The following GPHN variants were observed in gnomAD, a reference collection of about 807,000 sequenced individuals.
GPHN encodes the protein gephyrin.
In GPHN, 17 loss-of-function variants were observed where a neutral mutation model predicts 95.5. That is an observed-to-expected ratio of 0.18 (90% CI 0.12 to 0.27). The LOEUF (loss-of-function observed/expected upper bound fraction) is 0.27, where lower values mean the gene tolerates loss of function less well. GPHN is among the 10% of genes least tolerant of loss of function. GPHN has a pLI of 1.00. For missense variants in GPHN, 660 were observed against 978.1 expected (o/e 0.67, Z 4.34); for synonymous variants, 320 against 322.5 (o/e 0.99, Z 0.08).
chr14:66,816,832 A>G (rs931412149), intron 3 of GPHN, among the ~76,000 whole-genome samples: 4 of 152,186 alleles, frequency 2.6e-5, no homozygotes, highest in African/African-American at 9.6e-5. Flanking sequence ...TTGAGACAGA[A>G]AAAATGTCTT....
intron 2 of GPHN, among the ~76,000 whole-genome samples, chr14:66,685,863 G>T (rs1047079942): frequency 6.6e-6 from 1 of 152,082 alleles, no homozygotes. Flanking sequence ...TTTCTTCTAG[G>T]GTTTTTATGG....
intron 9 of GPHN, among the ~76,000 whole-genome samples, chr14:67,020,328 A>G (rs1350774721): frequency 6.6e-6 from 1 of 152,198 alleles, no homozygotes; most frequent in Non-Finnish European, 1.5e-5. Context: ...TGTACCTCCC[A>G]TAATGAAGAG....
At chr14:67,462,352 G>A in the GPHN span, among the ~76,000 whole-genome samples, 1 of 152,128 alleles carries the variant, frequency 6.6e-6, no homozygotes, top group African/African-American at 2.4e-5. Flanking sequence ...TTTTCTTTTT[G>A]CTTTTAAATT....
At chr14:66,569,271 T>C (rs2060579880) in intron 1 of GPHN, among the ~76,000 whole-genome samples, 1 of 152,206 alleles carries the variant, frequency 6.6e-6, no homozygotes, top group South Asian at 2.1e-4. Context: ...ATTGTGAAGC[T>C]GAATTAAAAT....
the GPHN span, among the ~76,000 whole-genome samples, chr14:67,564,433 C>T: frequency 6.6e-6 from 1 of 152,144 alleles, no homozygotes; most frequent in African/African-American, 2.4e-5. Flanking sequence ...TTAACCTTTG[C>T]CAAGCTGGGC....
intron 11 of GPHN, among the ~76,000 whole-genome samples, chr14:67,063,798 C>A (rs551634442): frequency 3.5e-4 from 53 of 152,268 alleles, no homozygotes; most frequent in Admixed American, 3.9e-4. Context: ...TGAGACTTTG[C>A]TGAAGTTGCT....
intron 3 of GPHN, among the ~76,000 whole-genome samples, chr14:66,778,061 A>G (rs939100457): frequency 6.6e-6 from 1 of 152,182 alleles, no homozygotes; most frequent in African/African-American, 2.4e-5. Flanking sequence ...ACATGATTGT[A>G]TATCTAGAAA....
At chr14:67,695,552 A>T in the GPHN span, 1 of 1,440,320 alleles carries the variant, frequency 6.9e-7, no homozygotes, top group Non-Finnish European at 9.5e-7. Context: ...TTTCCAAGAA[A>T]GCTTTGGTGG....
chr14:67,595,871 G>A, the GPHN span, among the ~76,000 whole-genome samples: 3 of 152,272 alleles, frequency 2.0e-5, no homozygotes, highest in East Asian at 3.9e-4. Flanking sequence ...GAGTCTCCAC[G>A]TGAACTCTGG....
At chr14:67,486,693 A>G in the GPHN span, among the ~76,000 whole-genome samples, 1 of 152,092 alleles carries the variant, frequency 6.6e-6, no homozygotes, top group African/African-American at 2.4e-5. Context: ...GCTTCCCCAG[A>G]CACGTGGAAT....
At chr14:67,252,999 C>A in the GPHN span, among the ~76,000 whole-genome samples, 2 of 152,180 alleles carry the variant, frequency 1.3e-5, no homozygotes, top group African/African-American at 4.8e-5. Context: ...TTGCTGATGA[C>A]TTTTTCTTGT....
intron 2 of GPHN, among the ~76,000 whole-genome samples, chr14:66,704,218 T>C (rs2068845754): frequency 6.6e-6 from 1 of 152,062 alleles, no homozygotes; most frequent in Non-Finnish European, 1.5e-5. Flanking sequence ...ACAATAATAG[T>C]GGGAGACTTT....
intron 9 of GPHN, among the ~76,000 whole-genome samples, chr14:66,971,073 A>T (rs2069731824): frequency 6.6e-6 from 1 of 152,224 alleles, no homozygotes; most frequent in Non-Finnish European, 1.5e-5. Flanking sequence ...TGGTGGCTGT[A>T]ATCCCATCAC....
At chr14:67,691,286 G>A in the GPHN span, 1 of 1,407,304 alleles carries the variant, frequency 7.1e-7, no homozygotes, top group Non-Finnish European at 1.0e-6. Context: ...GGCTAGCCAA[G>A]GCTATTACAT....
intron 17 of GPHN, among the ~76,000 whole-genome samples, chr14:67,129,178 T>C (rs2079529269): frequency 6.6e-6 from 1 of 152,132 alleles, no homozygotes; most frequent in African/African-American, 2.4e-5. Flanking sequence ...GGATATACTG[T>C]ATTTCTTTTG....
chr14:67,411,590 T>C, the GPHN span, among the ~76,000 whole-genome samples: 1 of 152,152 alleles, frequency 6.6e-6, no homozygotes, highest in Non-Finnish European at 1.5e-5. Flanking sequence ...GAGGATGACA[T>C]GAGACAATAT....
the GPHN span, chr14:67,586,522 G>T: frequency 3.9e-6 from 3 of 764,760 alleles, no homozygotes; most frequent in African/African-American, 1.8e-5. Flanking sequence ...CAGTCCCACA[G>T]TGCTCCCTCT....
At chr14:66,796,941 A>G (rs955593533) in intron 3 of GPHN, among the ~76,000 whole-genome samples, 31 of 150,146 alleles carry the variant, frequency 2.1e-4, no homozygotes, top group African/African-American at 6.9e-4. Context: ...TTGTAGTTTC[A>G]TAGTTTGAGG....
intron 2 of GPHN, among the ~76,000 whole-genome samples, chr14:66,703,164 A>G (rs773612845): frequency 1.8e-4 from 28 of 152,220 alleles, no homozygotes; most frequent in Middle Eastern, 3.2e-3. Context: ...GACCAAATCT[A>G]TGATTAACTG....
Sources: gnomAD v4.1 joint callset for allele counts (sites outside exome capture counted in the v4.1 genomes callset) on GRCh38, gnomAD v4.1.1 for gene constraint, MANE v1.5 for transcripts, NCBI Gene and HGNC (gene_info 2026-07-23, HGNC 2026-07-21) for gene names.